The following NUAK1 variants were observed in gnomAD, a reference collection of about 807,000 sequenced individuals.
NUAK1 encodes the protein NUAK family SNF1-like kinase 1.
Under a neutral mutation model 56.9 loss-of-function variants are expected in NUAK1, and 26 were observed. The ratio of observed to expected loss-of-function variants is 0.46; its 90% confidence interval spans 0.33 to 0.63. NUAK1 has a LOEUF of 0.63. Ranked by LOEUF, NUAK1 falls within the 30% of genes least tolerant of loss-of-function variation. The pLI, the probability that NUAK1 is intolerant of heterozygous loss-of-function variation, is 0.02. For missense variants in NUAK1, 727 were observed against 876.1 expected (o/e 0.83, Z 2.15); for synonymous variants, 337 against 336.0 (o/e 1.00, Z -0.03).
chr12:106,127,376 C>A (rs902456089), intron 1 of NUAK1, among the ~76,000 whole-genome samples: 2 of 152,074 alleles, frequency 1.3e-5, no homozygotes, highest in African/African-American at 4.8e-5. Context: ...ACTGTGTTGA[C>A]CAGGCTGATC....
intron 4 of NUAK1, among the ~76,000 whole-genome samples, chr12:106,080,038 G>A (rs1323190210): frequency 6.6e-6 from 1 of 152,196 alleles, no homozygotes; most frequent in African/African-American, 2.4e-5. Flanking sequence ...AGGTATGCGT[G>A]GATATATACA....
chr12:106,067,145 A>G lies in NUAK1; in HGVS notation c.1643T>C (p.Leu548Pro). 2 of 1,614,168 alleles carry G rather than the reference A, an allele frequency of 1.2e-6. No homozygotes were observed. Among genetic ancestry groups the G allele is most frequent in the Non-Finnish European group, 1.7e-6 (2 of 1,180,024 alleles). ...GACACCAGGCTCTGACAGGGATTCC[A>G]GTGTGGGCATTTCAGGGCTGACCAG... ...PALVSPEMPT[L>P]ESLSEPGVPA... The change falls in exon 7 of 7, where the codon CTG (leucine) becomes CCG (proline). Residue 548 changes from leucine to proline, a missense_variant. Leu to Pro is a moderately conservative substitution (Grantham distance 98). Transcript: ENST00000261402. The surrounding 1 kb of genome is among the most constrained non-coding windows in gnomAD (Gnocchi z 6.0).
intron 1 of NUAK1, 56 bp from the exon 2 acceptor site, chr12:106,106,581 C>T (rs1193502056): frequency 6.5e-7 from 1 of 1,545,622 alleles, no homozygotes; most frequent in African/African-American, 1.4e-5. Flanking sequence ...GCAAATCAGC[C>T]ATTGGGGGAG....
intron 2 of NUAK1, among the ~76,000 whole-genome samples, chr12:106,101,241 T>A (rs1258724134): frequency 6.6e-6 from 1 of 151,980 alleles, no homozygotes; most frequent in Non-Finnish European, 1.5e-5. Flanking sequence ...AGACACAGGA[T>A]CAGAAATACG....
intron 1 of NUAK1, among the ~76,000 whole-genome samples, chr12:106,112,154 T>C (rs193135297): frequency 2.4e-4 from 37 of 152,134 alleles, no homozygotes; most frequent in African/African-American, 8.2e-4. Flanking sequence ...GTCATAAATA[T>C]GGCATTAGCA....
chr12:106,096,778 C>T (rs74638730), intron 2 of NUAK1, among the ~76,000 whole-genome samples: 3 of 152,338 alleles, frequency 2.0e-5, no homozygotes, highest in East Asian at 1.9e-4. Flanking sequence ...TGATGACAAA[C>T]GATCAGACCA....
At position 106,066,620 on chromosome 12, in the gene NUAK1, C is replaced by T. The variant is rs1449823583; in HGVS notation, c.*182G>A. ...TCTGACTGACAATTGACAGAACTGGCAGAAGAGCCCACCTCTCCCTTTTAG... is the reference window on the plus strand; with the variant it reads ...TCTGACTGACAATTGACAGAACTGGTAGAAGAGCCCACCTCTCCCTTTTAG... On this transcript the variant is annotated 3_prime_UTR_variant, in exon 7 of 7. Transcript: ENST00000261402. The T allele has an allele frequency of 4.7e-6, 3 of 637,274 alleles. No homozygotes were observed. The highest frequency in any genetic ancestry group is 8.3e-6 in the Non-Finnish European group (3 of 361,860). 39.5% of individuals were successfully genotyped at this position (637,274 alleles called of 1,614,324 possible). A position where few individuals can be genotyped will look rare whatever the true frequency, so the allele number is the denominator to read the frequency against.
At chr12:106,086,588 C>T (rs529748422) in intron 3 of NUAK1, 146 bp downstream of exon 3, 28 of 737,522 alleles carry the variant, frequency 3.8e-5, no homozygotes, top group East Asian at 1.3e-4. Flanking sequence ...TCCAGAATCA[C>T]GGGTGATGGT....
chr12:106,114,555 C>T (rs1459824324), intron 1 of NUAK1, among the ~76,000 whole-genome samples: 2 of 152,056 alleles, frequency 1.3e-5, no homozygotes, highest in Non-Finnish European at 2.9e-5. Flanking sequence ...GCTGTAAGGA[C>T]TTAGAATGCT....
At chr12:106,123,667 A>C (rs867299154) in intron 1 of NUAK1, among the ~76,000 whole-genome samples, 2 of 152,172 alleles carry the variant, frequency 1.3e-5, no homozygotes, top group African/African-American at 4.8e-5. Context: ...GTCAGGTACG[A>C]GGCATTGTGC....
intron 1 of NUAK1, among the ~76,000 whole-genome samples, chr12:106,120,440 C>T (rs910365198): frequency 2.0e-5 from 3 of 151,804 alleles, no homozygotes; most frequent in Non-Finnish European, 2.9e-5. Context: ...AACGAACAGA[C>T]GTTATGCAGA....
intron 2 of NUAK1, among the ~76,000 whole-genome samples, chr12:106,102,191 C>A (rs1041784014): frequency 2.0e-5 from 3 of 152,174 alleles, no homozygotes; most frequent in Non-Finnish European, 2.9e-5. Flanking sequence ...GCATGATACC[C>A]TATAGGTCGC....
At chr12:106,121,176 TTTC>T (rs1356091181) in intron 1 of NUAK1, among the ~76,000 whole-genome samples, 2 of 152,218 alleles carry the variant, frequency 1.3e-5, no homozygotes, top group African/African-American at 4.8e-5. Context: ...GCTCTCTTGC[TTTC>T]TTGAGCAGAT....
At chr12:106,116,089 C>T (rs117694934) in intron 1 of NUAK1, among the ~76,000 whole-genome samples, 2,503 of 152,282 alleles carry the variant, frequency 0.016, 27 homozygotes, top group Admixed American at 0.025. Context: ...TTCATTTGCA[C>T]GAAAATCATT....
rs1029447014 is a variant in NUAK1, at chr12:106,138,070, G to A, written c.240+344C>T. Reference sequence around the variant, plus strand: ...TGGAAATAAGACGTTTCGGGGCATGGTCTAAATGAGTGCCTGCGAGGGAGA... The same window carrying A: ...TGGAAATAAGACGTTTCGGGGCATGATCTAAATGAGTGCCTGCGAGGGAGA... On this transcript the variant is annotated intron_variant, in intron 1 of 6. Coordinates refer to ENST00000261402, the MANE Select transcript of NUAK1 (RefSeq NM_014840.3). The surrounding 1 kb of genome is among the most constrained non-coding windows in gnomAD (Gnocchi z 5.0). Among the ~76,000 whole-genome samples the A allele has an allele frequency of 6.6e-6, 1 of 152,216 alleles. No individual in the cohort carries two copies. The highest frequency in any genetic ancestry group is 1.5e-5 in the Non-Finnish European group (1 of 68,042).
At chr12:106,088,831 G>C (rs1248148143) in intron 2 of NUAK1, among the ~76,000 whole-genome samples, 1 of 152,174 alleles carries the variant, frequency 6.6e-6, no homozygotes, top group Non-Finnish European at 1.5e-5. Flanking sequence ...CCCTAGGCCT[G>C]GGTCCCCTGT....
chr12:106,131,867 A>C (rs1347801658), intron 1 of NUAK1, among the ~76,000 whole-genome samples: 1 of 149,740 alleles, frequency 6.7e-6, no homozygotes, highest in African/African-American at 2.5e-5. Context: ...ATTCAGCCAG[A>C]CTCCATTCAC....
chr12:106,097,913 A>C (rs2032710775), intron 2 of NUAK1, among the ~76,000 whole-genome samples: 1 of 152,156 alleles, frequency 6.6e-6, no homozygotes, highest in South Asian at 2.1e-4. Flanking sequence ...TCAAGAGGTG[A>C]TTTTCCAGGG....
intron 4 of NUAK1, among the ~76,000 whole-genome samples, chr12:106,073,846 T>C (rs1215263128): frequency 6.6e-6 from 1 of 151,912 alleles, no homozygotes; most frequent in African/African-American, 2.4e-5. Flanking sequence ...ACACCGTGAG[T>C]GTAACAGTGG....
Sources: gnomAD v4.1 joint callset for allele counts (sites outside exome capture counted in the v4.1 genomes callset) on GRCh38, gnomAD v4.1.1 for gene constraint, Gnocchi (gnomAD v3.1) non-coding constraint, MANE v1.5 for transcripts, NCBI Gene and HGNC (gene_info 2026-07-23, HGNC 2026-07-21) for gene names.